Variants in RNF24 observed in about 807,000 individuals in gnomAD.
The protein encoded by RNF24 is ring finger protein 24.
RNF24 carries 14 observed loss-of-function variants against 20.0 expected under a neutral mutation model. The ratio of observed to expected loss-of-function variants is 0.70; its 90% CI spans 0.46 to 1.10. The LOEUF (loss-of-function observed/expected upper bound fraction) is 1.10. RNF24 is among the 50% of genes least tolerant of loss of function. RNF24 has a pLI of 0.00. For missense variants in RNF24, 124 were observed against 177.6 expected (o/e 0.70, Z 1.71); for synonymous variants, 45 against 61.1 (o/e 0.74, Z 1.23).
At chr20:3,949,345 A>G (rs532897950) in intron 2 of RNF24, among the ~76,000 whole-genome samples, 3 of 151,558 alleles carry the variant, frequency 2.0e-5, no homozygotes, top group Non-Finnish European at 4.4e-5. Context: ...ATGCCACTGC[A>G]CTCCAGCCTG....
At chr20:3,982,491 C>T (rs1979500994) in intron 1 of RNF24, among the ~76,000 whole-genome samples, 1 of 150,538 alleles carries the variant, frequency 6.6e-6, no homozygotes, top group African/African-American at 2.4e-5. Flanking sequence ...GCAGGAGAAT[C>T]GCCTGAACCC....
intron 4 of RNF24, among the ~76,000 whole-genome samples, chr20:3,938,466 C>G (rs1302251622): frequency 6.6e-6 from 1 of 152,076 alleles, no homozygotes; most frequent in Non-Finnish European, 1.5e-5. Flanking sequence ...TAAGCACAAC[C>G]AAAGCACAAC....
intron 4 of RNF24, among the ~76,000 whole-genome samples, chr20:3,942,719 T>C (rs1386480987): frequency 6.6e-6 from 1 of 151,980 alleles, no homozygotes; most frequent in Non-Finnish European, 1.5e-5. Context: ...GTGATCCGCC[T>C]GCCTCGGCCT....
rs191822182 is a variant in RNF24 at position 3,931,753 on chromosome 20, C to T, written c.*2310G>A. On this transcript the variant is annotated 3_prime_UTR_variant, in exon 6 of 6. Coordinates refer to ENST00000358395, the MANE Select transcript of RNF24 (RefSeq NM_001134337.3). ...TGTGCTGAGAAGGTTGTTAGTGGTC[C>T]CTCATCTGGGCAAAGCAGACCCAAG... is the stretch of plus-strand genomic sequence containing the variant. 1 of 152,304 alleles carries T rather than the reference C, an allele frequency of 6.6e-6. No individual in the cohort carries two copies. Among genetic ancestry groups the T allele is most frequent in the Admixed American group, 6.5e-5 (1 of 15,296 alleles). 9.4% of individuals were successfully genotyped at this position (152,304 alleles called of 1,614,324 possible).
intron 2 of RNF24, among the ~76,000 whole-genome samples, chr20:3,951,805 G>A (rs1183862784): frequency 6.6e-6 from 1 of 152,164 alleles, no homozygotes; most frequent in Non-Finnish European, 1.5e-5. Flanking sequence ...TTGGCCTTGA[G>A]TCCTTCAGGC....
chr20:3,973,100 G>A lies in RNF24; in HGVS notation c.-7-9076C>T, dbSNP rs921580951. On this transcript the variant is annotated intron_variant, in intron 1 of 5. Transcript: ENST00000358395. ...TGCCTGTAATCCCAGCTACTCGGGAGGCTGAGGCAGGAGAATTGACTGAAC... is the reference window on the plus strand; with the variant it reads ...TGCCTGTAATCCCAGCTACTCGGGAAGCTGAGGCAGGAGAATTGACTGAAC... Among the ~76,000 whole-genome samples, 6 of 152,146 alleles carry A rather than the reference G, an allele frequency of 3.9e-5. 1 individual carries two copies. Among genetic ancestry groups the A allele is most frequent in the Admixed American group, 1.3e-4 (2 of 15,288 alleles).
intron 2 of RNF24, among the ~76,000 whole-genome samples, chr20:3,951,802 T>G (rs1398541710): frequency 6.6e-6 from 1 of 152,232 alleles, no homozygotes; most frequent in Non-Finnish European, 1.5e-5. Flanking sequence ...TGATTGGCCT[T>G]GAGTCCTTCA....
chr20:4,009,293 A>G (rs974382417), intron 1 of RNF24, among the ~76,000 whole-genome samples: 2 of 152,152 alleles, frequency 1.3e-5, no homozygotes, highest in African/African-American at 2.4e-5. Flanking sequence ...GTCAGGGAAA[A>G]GTTGTTTGCT....
chr20:3,963,437 C>T (rs6116125), intron 2 of RNF24, among the ~76,000 whole-genome samples: 1,552 of 152,378 alleles, frequency 0.01, 17 homozygotes, highest in African/African-American at 0.035. Context: ...AGGTGATCCA[C>T]TCGCCTGGGC....
chr20:3,943,931 C>T (rs375672517), intron 4 of RNF24, among the ~76,000 whole-genome samples: 3 of 151,992 alleles, frequency 2.0e-5, no homozygotes, highest in Non-Finnish European at 4.4e-5. Context: ...AAACAGTGGC[C>T]GGCTGCCGTG....
chr20:3,953,145 AT>A (rs1323330514), intron 2 of RNF24, among the ~76,000 whole-genome samples: 1 of 152,124 alleles, frequency 6.6e-6, no homozygotes, highest in Admixed American at 6.5e-5. Context: ...TTAAAAATAC[AT>A]TCAATTTTCC....
intron 1 of RNF24, among the ~76,000 whole-genome samples, chr20:4,005,161 G>A (rs1022842802): frequency 3.9e-4 from 6 of 15,490 alleles, no homozygotes; most frequent in African/African-American, 9.9e-4. Flanking sequence ...AACCTGAACA[G>A]GTTACTTCTT....
Position 3,948,278 on chromosome 20 carries a change from G to T in RNF24, c.145C>A (p.Leu49Ile). The T allele has an allele frequency of 6.3e-7, 1 of 1,577,124 alleles. No individual in the cohort carries two copies. The highest frequency in any genetic ancestry group is 1.9e-5 in the Admixed American group (1 of 52,276). ...SLLFCCYLIRLRHQAHKEFYA... is the reference protein window; with the variant it reads ...SLLFCCYLIRIRHQAHKEFYA... ...AATTCTTTGTGTGCTTGATGTCTTA[G>T]CCTAAAAGACAGAAATTAGTAATGC... The change falls in exon 3 of 6, where the codon CTA becomes ATA. Residue 49 changes from leucine to isoleucine, a missense_variant and splice_region_variant. Leu to Ile is a conservative substitution (Grantham distance 5). Transcript: ENST00000358395.
rs554017756 is a variant in RNF24 at position 3,973,695 on chromosome 20, T to C, written c.-7-9671A>G. ...ACACAAACTACAAAAACTCACCCAATATAAAATAGATAATGTGAACAGTTT... is the reference window on the plus strand; with the variant it reads ...ACACAAACTACAAAAACTCACCCAACATAAAATAGATAATGTGAACAGTTT... On this transcript the variant is annotated intron_variant, in intron 1 of 5. Transcript: ENST00000358395. Among the ~76,000 whole-genome samples the C allele has an allele frequency of 2.6e-5, 4 of 152,090 alleles. 1 individual carries two copies. The South Asian group carries it at 6.2e-4, about 24-fold the overall frequency.
intron 1 of RNF24, among the ~76,000 whole-genome samples, chr20:3,990,384 C>T (rs1472812975): frequency 6.6e-6 from 1 of 152,116 alleles, no homozygotes; most frequent in Non-Finnish European, 1.5e-5. Flanking sequence ...CCTATTGACC[C>T]AGCAATTCCA....
chr20:3,983,119 T>C (rs914991863), intron 1 of RNF24, among the ~76,000 whole-genome samples: 3 of 152,226 alleles, frequency 2.0e-5, no homozygotes, highest in African/African-American at 7.2e-5. Context: ...CTTGAACTTC[T>C]TGGCTTCTAG....
intron 1 of RNF24, among the ~76,000 whole-genome samples, chr20:4,011,953 A>G (rs1211573638): frequency 6.6e-6 from 1 of 152,256 alleles, no homozygotes; most frequent in Non-Finnish European, 1.5e-5. Context: ...ATAAAGGTAA[A>G]TACCAAAAGA....
intron 4 of RNF24, among the ~76,000 whole-genome samples, chr20:3,942,335 A>T (rs2090967064): frequency 1.5e-5 from 2 of 132,672 alleles, no homozygotes; most frequent in South Asian, 4.9e-4. Context: ...GGCCCAGTTA[A>T]TTTTTTTTTT....
chr20:3,937,578 A>C (rs2090906210), intron 4 of RNF24, among the ~76,000 whole-genome samples: 1 of 149,310 alleles, frequency 6.7e-6, no homozygotes, highest in Non-Finnish European at 1.5e-5. Flanking sequence ...CCCCCAAAAC[A>C]AGCCCATATT....
Sources: allele counts gnomAD v4.1 joint callset (sites outside exome capture counted in the v4.1 genomes callset), GRCh38; gene constraint gnomAD v4.1.1; transcripts MANE v1.5; gene names NCBI Gene and HGNC (gene_info 2026-07-23, HGNC 2026-07-21).